Variants in PPP6R2 observed in about 807,000 individuals in gnomAD.
PPP6R2 encodes the protein protein phosphatase 6 regulatory subunit 2, also known as serine/threonine-protein phosphatase 6 regulatory subunit 2.
PPP6R2 carries 62 observed loss-of-function variants against 100.2 expected under a neutral mutation model. The ratio of observed to expected loss-of-function variants is 0.62; its 90% confidence interval spans 0.50 to 0.76. The LOEUF (loss-of-function observed/expected upper bound fraction) is 0.76. Ranked by LOEUF, PPP6R2 falls within the 30% of genes least tolerant of loss-of-function variation. The probability of loss-of-function intolerance (pLI) is 0.00; values close to 1 mark genes in which losing one functional copy is unlikely to be tolerated. For missense variants in PPP6R2, 1,142 were observed against 1,276.3 expected (o/e 0.89, Z 1.60); for synonymous variants, 525 against 514.7 (o/e 1.02, Z -0.27).
intron 8 of PPP6R2, among the ~76,000 whole-genome samples, chr22:50,421,682 G>T (rs766185065): frequency 2.0e-4 from 30 of 152,052 alleles, no homozygotes; most frequent in Non-Finnish European, 4.3e-4. Flanking sequence ...AGGCCAAGGC[G>T]GGTGGATCAC....
intron 1 of PPP6R2, among the ~76,000 whole-genome samples, chr22:50,355,265 T>G (rs1170880476): frequency 6.9e-6 from 1 of 145,764 alleles, no homozygotes; most frequent in Admixed American, 7.0e-5. Flanking sequence ...TGAGACAGAG[T>G]CTCGCTCTGT....
intron 2 of PPP6R2, among the ~76,000 whole-genome samples, chr22:50,374,107 C>T (rs2050916312): frequency 6.6e-6 from 1 of 152,174 alleles, no homozygotes; most frequent in Admixed American, 6.5e-5. Context: ...TGGTCTTGAA[C>T]TCCTGGGCCG....
At chr22:50,438,457 G>A (rs1569494271) in intron 18 of PPP6R2, 142 bp from the exon 19 acceptor site, 2 of 1,435,506 alleles carry the variant, frequency 1.4e-6, no homozygotes, top group Non-Finnish European at 1.9e-6. Context: ...AAGGAGCCCA[G>A]AGCTGAGGCC....
chr22:50,336,668 A>T, the PPP6R2 span, among the ~76,000 whole-genome samples: 5 of 152,140 alleles, frequency 3.3e-5, no homozygotes, highest in Non-Finnish European at 7.3e-5. Flanking sequence ...TGCTGGGATT[A>T]TAGGTGTAAG....
upstream of PPP6R2, among the ~76,000 whole-genome samples, chr22:50,340,587 GGTGT>G (rs1325503574): frequency 2.4e-5 from 3 of 127,316 alleles, no homozygotes; most frequent in South Asian, 2.8e-4. Flanking sequence ...TGTGGTGTGT[GGTGT>G]GTGTGTGTGG....
intron 2 of PPP6R2, among the ~76,000 whole-genome samples, chr22:50,384,409 G>C (rs2053765906): frequency 6.6e-6 from 1 of 152,092 alleles, no homozygotes; most frequent in Non-Finnish European, 1.5e-5. Context: ...CAAAAAATTA[G>C]CCGGGCGTCG....
Position 50,394,115 on chromosome 22 carries a change from G to A in PPP6R2, c.207G>A (p.Met69Ile), listed in dbSNP as rs1376864684. Reference protein sequence around the residue: ...SLITQDPPLDMEEKVRFKYPN... With the variant: ...SLITQDPPLDIEEKVRFKYPN... ...TCACACAGGATCCGCCCCTGGACAT[G>A]GAGGAGAAGGTCCGCTTCAAGTATG... Residue 69 changes from methionine to isoleucine, a missense_variant, in exon 3 of 24, where the codon ATG (methionine) becomes ATA (isoleucine). Coordinates refer to ENST00000612753, the MANE Select transcript of PPP6R2 (RefSeq NM_001242898.2). 2 of 1,613,972 alleles carry A rather than the reference G, an allele frequency of 1.2e-6. No homozygotes were observed. The highest frequency in any genetic ancestry group is 2.7e-5 in the African/African-American group (2 of 74,938).
intron 2 of PPP6R2, among the ~76,000 whole-genome samples, chr22:50,391,215 C>T (rs1372972380): frequency 2.0e-5 from 3 of 151,520 alleles, no homozygotes; most frequent in African/African-American, 4.8e-5. Context: ...GGGCGGATCA[C>T]GAGGTCAGGA....
At chr22:50,353,704 C>T (rs1385818771) in intron 1 of PPP6R2, among the ~76,000 whole-genome samples, 1 of 151,804 alleles carries the variant, frequency 6.6e-6, no homozygotes, top group African/African-American at 2.4e-5. Context: ...GCACGTTAGA[C>T]AAAGTACGCC....
chr22:50,338,743 T>C (rs1601852768), upstream of PPP6R2, among the ~76,000 whole-genome samples: 1 of 130,534 alleles, frequency 7.7e-6, no homozygotes, highest in Non-Finnish European at 1.6e-5. Flanking sequence ...GTGTGTGTGT[T>C]ATGTGGTATG....
At chr22:50,380,478 A>G (rs963184872) in intron 2 of PPP6R2, among the ~76,000 whole-genome samples, 4 of 151,328 alleles carry the variant, frequency 2.6e-5, no homozygotes, top group African/African-American at 9.7e-5. Context: ...CTCCTGCTTC[A>G]GCCTCCCGAG....
rs569330774 is a variant in PPP6R2 at position 50,419,609 on chromosome 22, G to A, written c.845+147G>A. 3.7e-5 allele frequency: 24 copies of A among 651,462 alleles called. No homozygotes were observed. In the East Asian group the frequency reaches 6.6e-4, roughly 18 times the overall value. The allele number at this position is 651,462 out of a possible 1,614,324, so 40.4% of individuals were successfully genotyped here. A position where few individuals can be genotyped will look rare whatever the true frequency, so the allele number is the denominator to read the frequency against. ...CATGGATAGATTCCCCTTGTTGAAG[G>A]CTTGACTTTATGGCTGTGGCCAAGT... On this transcript the variant is annotated intron_variant, in intron 8 of 23. Transcript: ENST00000612753.
chr22:50,393,290 T>C (rs2148877030), intron 2 of PPP6R2: 3 of 640,416 alleles, frequency 4.7e-6, no homozygotes, highest in Non-Finnish European at 5.8e-6. Context: ...GGACGATGAG[T>C]GGATGGGCCG....
intron 4 of PPP6R2, among the ~76,000 whole-genome samples, chr22:50,408,128 C>T (rs1309421196): frequency 1.3e-5 from 2 of 152,188 alleles, no homozygotes; most frequent in Non-Finnish European, 2.9e-5. Context: ...CTCAAGTGAT[C>T]TGCCTGCCCA....
At chr22:50,425,705 T>C (rs533300943) in intron 10 of PPP6R2, among the ~76,000 whole-genome samples, 30 of 151,820 alleles carry the variant, frequency 2.0e-4, no homozygotes, top group African/African-American at 6.7e-4. Context: ...CTGATGTGCG[T>C]GTGGAACGGT....
At chr22:50,343,728 T>G (rs2042740443) in intron 1 of PPP6R2, among the ~76,000 whole-genome samples, 178 bp downstream of exon 1, 1 of 79,656 alleles carries the variant, frequency 1.3e-5, no homozygotes, top group Non-Finnish European at 2.3e-5. Context: ...CCCAAGTCAG[T>G]CAGTGCCCCC....
intron 2 of PPP6R2, among the ~76,000 whole-genome samples, chr22:50,384,249 C>T (rs1467992760): frequency 7.9e-5 from 12 of 152,036 alleles, no homozygotes; most frequent in Non-Finnish European, 1.6e-4. Context: ...TTTAGAATAC[C>T]TGAGACTGGG....
chr22:50,374,027 G>A (rs146830798), intron 2 of PPP6R2, among the ~76,000 whole-genome samples: 8 of 152,214 alleles, frequency 5.3e-5, no homozygotes, highest in Middle Eastern at 3.4e-3. Context: ...GTGAGCCACC[G>A]CACCCAGCCC....
Position 50,423,367 on chromosome 22 carries a change from G to T in PPP6R2, c.973-95G>T, listed in dbSNP as rs535200364. On this transcript the variant is annotated intron_variant, in intron 9 of 23. Transcript: ENST00000612753. The surrounding 1 kb of genome is among the most constrained non-coding windows in gnomAD (Gnocchi z 4.8). ...CACATACCTCGCTACCCCAGGCTGG[G>T]TCCCAGCCTAGAGTGATGGGCATGA... is the stretch of plus-strand genomic sequence containing the variant. 6.6e-7 allele frequency: 1 copy of T among 1,512,366 alleles called. No homozygotes were observed. The highest frequency in any genetic ancestry group is 1.9e-5 in the Admixed American group (1 of 53,892). The allele number at this position is 1,512,366 out of a possible 1,614,324, so 93.7% of individuals were successfully genotyped here.
Sources: allele counts gnomAD v4.1 joint callset (sites outside exome capture counted in the v4.1 genomes callset), GRCh38; gene constraint gnomAD v4.1.1; non-coding constraint Gnocchi (gnomAD v3.1); transcripts MANE v1.5; gene names NCBI Gene and HGNC (gene_info 2026-07-23, HGNC 2026-07-21).